NLK: variants seen among roughly 807,000 people sequenced by gnomAD.
The protein encoded by NLK is serine/threonine-protein kinase NLK.
A neutral mutation model predicts 59.0 loss-of-function variants in NLK; 11 were observed. The ratio of observed to expected loss-of-function variants is 0.19; its 90% CI spans 0.12 to 0.31. The LOEUF (loss-of-function observed/expected upper bound fraction) is 0.31. Ranked by LOEUF, NLK falls within the 10% of genes least tolerant of loss-of-function variation. The pLI, the probability that NLK is intolerant of heterozygous loss-of-function variation, is 1.00. For missense variants in NLK, 410 were observed against 661.1 expected, an observed-to-expected ratio of 0.62 and a Z score of 4.16; for synonymous variants, 235 against 235.9, an observed-to-expected ratio of 1.00 and a Z score of 0.03.
chr17:28,082,281 A>G (rs1361588454), intron 1 of NLK, among the ~76,000 whole-genome samples: 1 of 152,180 alleles, frequency 6.6e-6, no homozygotes, highest in Non-Finnish European at 1.5e-5. Context: ...GCTTCTTCTG[A>G]CAGACCTGGC....
intron 1 of NLK, among the ~76,000 whole-genome samples, chr17:28,064,481 C>T (rs923561627): frequency 6.6e-6 from 1 of 152,074 alleles, no homozygotes; most frequent in African/African-American, 2.4e-5. Context: ...GGCCTGTATA[C>T]TAGGCTTTGA....
intron 9 of NLK, among the ~76,000 whole-genome samples, chr17:28,191,714 A>AAG (rs1311095364): frequency 6.6e-6 from 1 of 152,162 alleles, no homozygotes; most frequent in Non-Finnish European, 1.5e-5. Flanking sequence ...GACATTTTAC[A>AAG]AGAGAGAGAG....
intron 1 of NLK, among the ~76,000 whole-genome samples, chr17:28,118,459 A>G (rs1320924430): frequency 1.3e-5 from 2 of 152,240 alleles, no homozygotes; most frequent in Non-Finnish European, 2.9e-5. Context: ...CATAAAAATG[A>G]AAGAGAAACA....
intron 1 of NLK, chr17:28,048,196 A>G (rs1909127489): frequency 2.7e-6 from 1 of 368,752 alleles, no homozygotes; most frequent in Admixed American, 4.5e-5. Context: ...AAAAGTAACA[A>G]TCTGATGATT....
chr17:28,095,733 T>C (rs1904678583), intron 1 of NLK, among the ~76,000 whole-genome samples: 1 of 152,234 alleles, frequency 6.6e-6, no homozygotes. Flanking sequence ...ACTTTTAATG[T>C]TTCTGGTTTT....
rs1013424784 is a variant in NLK at position 28,168,800 on chromosome 17, T to A, written c.1047+143T>A. The A allele has an allele frequency of 1.9e-5, 12 of 635,998 alleles. No individual in the cohort carries two copies. In the African/African-American group the frequency reaches 2.2e-4, roughly 12 times the overall value. The allele number at this position is 635,998 out of a possible 1,614,324, so 39.4% of individuals were successfully genotyped here. On this transcript the variant is annotated intron_variant, in intron 6 of 10. Coordinates refer to ENST00000407008, the MANE Select transcript of NLK (RefSeq NM_016231.5). ...CAGGTTCACTTAAAATTCAGAAAGTTATAAAGTTGAAGATTACAAAGAGAT... is the reference window on the plus strand; with the variant it reads ...CAGGTTCACTTAAAATTCAGAAAGTAATAAAGTTGAAGATTACAAAGAGAT...
intron 7 of NLK, among the ~76,000 whole-genome samples, chr17:28,179,499 G>A (rs1211180236): frequency 6.6e-6 from 1 of 151,412 alleles, no homozygotes. Context: ...GGGAGGCCAA[G>A]GCAGGCAAAT....
chr17:28,061,839 CATAT>C (rs528727330), intron 1 of NLK: 7 of 138,660 alleles, frequency 5.0e-5, no homozygotes, highest in African/African-American at 1.9e-4. Context: ...TATACATATA[CATAT>C]ATATAATATA....
intron 1 of NLK, among the ~76,000 whole-genome samples, chr17:28,110,202 TAG>T (rs1353544680): frequency 1.3e-5 from 2 of 152,160 alleles, no homozygotes; most frequent in African/African-American, 2.4e-5. Flanking sequence ...AGTTCATCTT[TAG>T]ATTATTTATT....
At chr17:28,172,145 G>A (rs1180153201) in intron 6 of NLK, among the ~76,000 whole-genome samples, 1 of 149,692 alleles carries the variant, frequency 6.7e-6, no homozygotes, top group African/African-American at 2.5e-5. Flanking sequence ...CTTTACATGA[G>A]GAATTTATTT....
chr17:28,053,761 T>G (rs1209112618), intron 1 of NLK, among the ~76,000 whole-genome samples: 3 of 152,226 alleles, frequency 2.0e-5, no homozygotes, highest in African/African-American at 7.2e-5. Context: ...TGGATAAAAA[T>G]GATCCGTCAA....
At chr17:28,104,269 T>G (rs762111759) in intron 1 of NLK, among the ~76,000 whole-genome samples, 41 of 152,146 alleles carry the variant, frequency 2.7e-4, no homozygotes, top group Admixed American at 9.8e-4. Context: ...TTGTTTTTGT[T>G]TTTTTGAGAC....
At chr17:28,162,981 G>A (rs149214976) in intron 4 of NLK, among the ~76,000 whole-genome samples, 15 of 152,094 alleles carry the variant, frequency 9.9e-5, no homozygotes, top group Non-Finnish European at 2.2e-4. Flanking sequence ...CTTGAGGCTG[G>A]GACCTTTAGC....
At chr17:28,086,808 C>T (rs1475065087) in intron 1 of NLK, among the ~76,000 whole-genome samples, 1 of 151,508 alleles carries the variant, frequency 6.6e-6, no homozygotes, top group African/African-American at 2.4e-5. Flanking sequence ...AGTAGGATCA[C>T]TTGAGACTAG....
At chr17:28,188,996 C>T (rs1329740904) in intron 8 of NLK, among the ~76,000 whole-genome samples, 2 of 151,904 alleles carry the variant, frequency 1.3e-5, no homozygotes, top group Non-Finnish European at 2.9e-5. Flanking sequence ...CACACACACA[C>T]ACACACACAC....
At chr17:28,064,447 G>A (rs899933365) in intron 1 of NLK, among the ~76,000 whole-genome samples, 1 of 152,070 alleles carries the variant, frequency 6.6e-6, no homozygotes, top group African/African-American at 2.4e-5. Flanking sequence ...ACTGCACCTG[G>A]TAGTTAGCAG....
intron 1 of NLK, among the ~76,000 whole-genome samples, chr17:28,093,843 T>G (rs1904600613): frequency 6.6e-6 from 1 of 152,208 alleles, no homozygotes. Context: ...TTATTTGTGT[T>G]TTACTGGACT....
At chr17:28,166,217 A>AATAT (rs945631579) in intron 5 of NLK, among the ~76,000 whole-genome samples, 5 of 150,688 alleles carry the variant, frequency 3.3e-5, no homozygotes, top group East Asian at 1.9e-4. Context: ...TGTCTCAAAA[A>AATAT]ATATATATAT....
chr17:28,196,652 A>G (rs1395961408), downstream of NLK, among the ~76,000 whole-genome samples: 1 of 152,218 alleles, frequency 6.6e-6, no homozygotes, highest in African/African-American at 2.4e-5. Context: ...GTGGTTTTCA[A>G]ACTTTTTTTT....
Sources: gnomAD v4.1 joint callset for allele counts (sites outside exome capture counted in the v4.1 genomes callset) on GRCh38, gnomAD v4.1.1 for gene constraint, MANE v1.5 for transcripts, NCBI Gene and HGNC (gene_info 2026-07-23, HGNC 2026-07-21) for gene names.